The following ADAP1 variants were observed in gnomAD, a reference collection of about 807,000 sequenced individuals.
ADAP1 encodes ArfGAP with dual PH domains 1, also known as arf-GAP with dual PH domain-containing protein 1.
In ADAP1, 31 loss-of-function variants were observed where a neutral mutation model predicts 54.9. The ratio of observed to expected loss-of-function variants is 0.56; its 90% CI spans 0.42 to 0.76. The LOEUF (loss-of-function observed/expected upper bound fraction) is 0.76. ADAP1 is among the 30% of genes least tolerant of loss of function. ADAP1 has a pLI of 0.00. For synonymous variants in ADAP1, 313 were observed against 202.6 expected (o/e 1.55, Z -4.63); for missense variants, 535 against 512.4 (o/e 1.04, Z -0.42).
chr7:955,347 C>T (rs1228848822), upstream of ADAP1: 2 of 1,550,254 alleles, frequency 1.3e-6, no homozygotes, highest in Non-Finnish European at 1.7e-6. Flanking sequence ...TTTTCAAATT[C>T]TTTCCATTTT....
intron 6 of ADAP1, chr7:901,050 G>C (rs553173544): frequency 2.1e-6 from 1 of 472,048 alleles, no homozygotes. Context: ...GGTGGGAGAA[G>C]GGAGGCTCAT....
chr7:907,568 A>C (rs992133647), intron 4 of ADAP1, among the ~76,000 whole-genome samples: 6 of 151,634 alleles, frequency 4.0e-5, no homozygotes, highest in African/African-American at 1.5e-4. Context: ...GGGCGTTCCC[A>C]TCCCCCCCAG....
rs77061695 is a variant in ADAP1, at chr7:920,088, C to G, written c.306-38G>C. 2 of 1,582,694 alleles carry G rather than the reference C, an allele frequency of 1.3e-6. No homozygotes were observed. The highest frequency in any genetic ancestry group is 2.2e-5 in the South Asian group (2 of 89,866). The stretch of plus-strand genomic sequence containing the variant: ...GAGAGACTGAGCCACTGGGCCAAGG[C>G]GGCCTCCGACCCAGCACACGCCGCT... On this transcript the variant is annotated intron_variant, in intron 3 of 10. Coordinates refer to ENST00000265846, the MANE Select transcript of ADAP1 (RefSeq NM_006869.4). The surrounding 1 kb of genome is among the most constrained non-coding windows in gnomAD (Gnocchi z 4.5).
intron 6 of ADAP1, 108 bp downstream of exon 6, chr7:904,013 TAGCTC>T: frequency 7.1e-7 from 1 of 1,411,214 alleles, no homozygotes. Flanking sequence ...TCATGCCGCC[TAGCTC>T]AAGTGCCTAC....
In ADAP1 at chr7:920,681, C is replaced by G; in HGVS notation, c.306-631G>C. 2 of 971,348 alleles carry G rather than the reference C, an allele frequency of 2.1e-6. No homozygotes were observed. Among genetic ancestry groups the G allele is most frequent in the South Asian group, 3.3e-5 (2 of 61,330 alleles). 60.2% of individuals were successfully genotyped at this position (971,348 alleles called of 1,614,324 possible). A position where few individuals can be genotyped will look rare whatever the true frequency, so the allele number is the denominator to read the frequency against. ...GAAGACCCGGGATGAGGAGAAGCCC[C>G]CGAGAGTAAAGCCCGGGACGAGGGC... On this transcript the variant is annotated intron_variant, in intron 3 of 10. Transcript: ENST00000265846. The surrounding 1 kb of genome is among the most constrained non-coding windows in gnomAD (Gnocchi z 4.5).
intron 9 of ADAP1, 35 bp downstream of exon 9, chr7:899,384 T>C: frequency 6.2e-7 from 1 of 1,610,952 alleles, no homozygotes; most frequent in South Asian, 1.1e-5. Flanking sequence ...GCCAGTGAGC[T>C]GCCCTCCCGT....
At position 899,439 on chromosome 7, in the gene ADAP1, T is replaced by C. The variant is rs972013573; in HGVS notation, c.847A>G (p.Met283Val). The C allele has an allele frequency of 6.2e-7, 1 of 1,613,188 alleles. No individual in the cohort carries two copies. Among genetic ancestry groups the C allele is most frequent in the African/African-American group, 1.3e-5 (1 of 75,062 alleles). ...RWFTMDDRRL[M>V]YFKDPLDAFA... ...CTTACCAGGGGGTCTTTGAAGTACA[T>C]GAGCCTGCGGTCATCCATGGTGAAC... The change falls in exon 9 of 11, where the codon ATG becomes GTG. Residue 283 changes from methionine (M) to valine (V), a missense_variant. Met to Val is a conservative substitution (Grantham distance 21). Transcript: ENST00000265846.
chr7:944,034 G>T (rs1354182403), intron 1 of ADAP1, among the ~76,000 whole-genome samples: 1 of 151,912 alleles, frequency 6.6e-6, no homozygotes, highest in Non-Finnish European at 1.5e-5. Flanking sequence ...TCCCGCCTCA[G>T]CCTCCTGAGT....
chr7:904,840 C>T (rs1246963687), intron 5 of ADAP1, among the ~76,000 whole-genome samples: 1 of 152,232 alleles, frequency 6.6e-6, no homozygotes, highest in Admixed American at 6.5e-5. Flanking sequence ...CGCCCGGCCG[C>T]CCAGGCTCCT....
In ADAP1 at chr7:899,136, G is replaced by C; in HGVS notation, c.993C>G (p.Asp331Glu). The change falls in exon 10 of 11, where the codon GAC becomes GAG. Residue 331 changes from aspartate (D) to glutamate (E), a missense_variant. Coordinates refer to ENST00000265846, the MANE Select transcript of ADAP1 (RefSeq NM_006869.4). ...TCTCGCAGGCAAACAGAAACTTGCGGTCGGGCGTGACGATGGTGATGCCAT... is the reference window on the plus strand; with the variant it reads ...TCTCGCAGGCAAACAGAAACTTGCGCTCGGGCGTGACGATGGTGATGCCAT... ...WPHGITIVTP[D>E]RKFLFACETE... The C allele has an allele frequency of 6.2e-7, 1 of 1,610,288 alleles. No homozygotes were observed. Among genetic ancestry groups the C allele is most frequent in the Non-Finnish European group, 8.5e-7 (1 of 1,179,962 alleles).
At position 906,776 on chromosome 7, in the gene ADAP1, A is replaced by ATGGACATGG. The variant is rs57543647; in HGVS notation, c.389-1605_389-1604insCCATGTCCA. Among the ~76,000 whole-genome samples the ATGGACATGG allele has an allele frequency of 1.4e-4, 3 of 21,080 alleles. 1 individual carries two copies. Among genetic ancestry groups the ATGGACATGG allele is most frequent in the African/African-American group, 3.8e-4 (2 of 5,260 alleles). 13.8% of individuals were successfully genotyped at this position (21,080 alleles called of 152,430 possible). On this transcript the variant is annotated intron_variant, in intron 4 of 10. Transcript: ENST00000265846. Reference sequence around the variant, plus strand: ...GACATGGACAGGGGACATGGGGGACAGGGGACACGGGGGACGGGACAGGGG... The same window carrying ATGGACATGG: ...GACATGGACAGGGGACATGGGGGACATGGACATGGGGGGACACGGGGGACGGGACAGGGG...
At chr7:919,519 CGA>C (rs1454124673) in intron 4 of ADAP1, among the ~76,000 whole-genome samples, 2 of 146,694 alleles carry the variant, frequency 1.4e-5, no homozygotes, top group Admixed American at 6.8e-5. Flanking sequence ...TCTGTCCACA[CGA>C]GAGGGAGGGA....
chr7:905,534 A>G, intron 4 of ADAP1: 1 of 51,166 alleles, frequency 2.0e-5, no homozygotes, highest in African/African-American at 6.9e-5. Flanking sequence ...GAGAAGGGAG[A>G]AGGGAGAAGG....
intron 3 of ADAP1, among the ~76,000 whole-genome samples, chr7:923,849 C>G (rs754757638): frequency 2.0e-5 from 3 of 152,200 alleles, no homozygotes; most frequent in Non-Finnish European, 4.4e-5. Context: ...CTTGTCCAGG[C>G]TGCACGGAGG....
At chr7:899,949 G>C (rs903693100) in intron 8 of ADAP1, among the ~76,000 whole-genome samples, 153 bp downstream of exon 8, 3 of 152,236 alleles carry the variant, frequency 2.0e-5, no homozygotes, top group African/African-American at 4.8e-5. Context: ...CGAGTCCTCG[G>C]GGACCCCGGC....
intron 8 of ADAP1, 88 bp downstream of exon 8, chr7:900,014 C>T (rs370719996): frequency 7.8e-5 from 115 of 1,480,862 alleles, no homozygotes; most frequent in African/African-American, 3.0e-4. Flanking sequence ...AAAACACAGG[C>T]GGCAGCTGGC....
intron 1 of ADAP1, among the ~76,000 whole-genome samples, chr7:953,555 C>A (rs901025208): frequency 1.3e-5 from 2 of 152,242 alleles, no homozygotes; most frequent in Non-Finnish European, 2.9e-5. Flanking sequence ...TATTGGCCCC[C>A]AGATTCCTGG....
At position 898,736 on chromosome 7, in the gene ADAP1, T is replaced by C. The variant is rs1034404736; in HGVS notation, c.*185A>G. The C allele has an allele frequency of 4.4e-5, 32 of 729,298 alleles. No homozygotes were observed. The Admixed American group carries it at 7.5e-4, about 17-fold the overall frequency. The allele number at this position is 729,298 out of a possible 1,614,324, so 45.2% of individuals were successfully genotyped here. A position where few individuals can be genotyped will look rare whatever the true frequency, so the allele number is the denominator to read the frequency against. ...TAGAGATCAGGCCCAGGGCCTGGGC[T>C]GCCTGCCTTGAGGTTCCAGAGAAGC... On this transcript the variant is annotated 3_prime_UTR_variant, in exon 11 of 11. Transcript: ENST00000265846.
intron 2 of ADAP1, 82 bp downstream of exon 2, chr7:935,293 C>A: frequency 1.3e-6 from 2 of 1,505,184 alleles, no homozygotes; most frequent in South Asian, 1.2e-5. Context: ...ACAGCCAGGC[C>A]GCCCGGCATC....
Sources: gnomAD v4.1 joint callset for allele counts (sites outside exome capture counted in the v4.1 genomes callset) on GRCh38, gnomAD v4.1.1 for gene constraint, Gnocchi (gnomAD v3.1) non-coding constraint, MANE v1.5 for transcripts, NCBI Gene and HGNC (gene_info 2026-07-23, HGNC 2026-07-21) for gene names.